Variants in ATAD3B observed in about 807,000 individuals in gnomAD.
The protein encoded by ATAD3B is ATPase family AAA domain-containing protein 3B.
ATAD3B carries 59 observed loss-of-function variants against 70.2 expected under a neutral mutation model. The ratio of observed to expected loss-of-function variants is 0.84; its 90% CI spans 0.68 to 1.04. ATAD3B has a LOEUF of 1.04. Ranked by LOEUF, ATAD3B falls within the 50% of genes least tolerant of loss-of-function variation. ATAD3B has a pLI of 0.00. For missense variants in ATAD3B, 961 were observed against 913.4 expected (o/e 1.05, Z -0.67); for synonymous variants, 423 against 388.6 (o/e 1.09, Z -1.04).
intron 8 of ATAD3B, 137 bp from the exon 9 acceptor site, chr1:1,485,645 G>T (rs944279225): frequency 1.4e-6 from 2 of 1,399,604 alleles, no homozygotes; most frequent in East Asian, 2.5e-5. Context: ...GCGGGGCAGG[G>T]TTCCAGCTCC....
chr1:1,499,370 G>A (rs893510951), downstream of ATAD3B, among the ~76,000 whole-genome samples: 1 of 148,074 alleles, frequency 6.8e-6, no homozygotes, highest in African/African-American at 2.5e-5. Context: ...CCAAGTAGCT[G>A]GGATTACAGG....
chr1:1,506,858 G>T, the ATAD3B span, among the ~76,000 whole-genome samples: 1 of 150,778 alleles, frequency 6.6e-6, no homozygotes, highest in Non-Finnish European at 1.5e-5. Flanking sequence ...CACAATCTCG[G>T]CTCACTGCAA....
intron 3 of ATAD3B, 130 bp from the exon 4 acceptor site, chr1:1,478,919 C>T (rs1354550567): frequency 1.7e-5 from 12 of 694,946 alleles, no homozygotes; most frequent in African/African-American, 5.0e-5. Flanking sequence ...CTGAGCCGGA[C>T]GGGAGGTCCC....
At position 1,492,297 on chromosome 1, in the gene ATAD3B, GCCAACATGATGAACC is replaced by G. The variant is rs1404839740; in HGVS notation, c.1614+1630_1614+1644del. Among the ~76,000 whole-genome samples the G allele has an allele frequency of 2.0e-5, 3 of 151,806 alleles. No homozygotes were observed. In the East Asian group the frequency reaches 5.8e-4, roughly 29 times the overall value. The stretch of plus-strand genomic sequence containing the variant: ...AGGTCAGGAGTTCAAGACCACCCTG[GCCAACATGATGAACC>G]CCACCTCTACAAAAAATACGAAAAT... On this transcript the variant is annotated intron_variant, in intron 15 of 15. Transcript: ENST00000673477.
At chr1:1,503,657 T>C in the ATAD3B span, 2 of 1,611,718 alleles carry the variant, frequency 1.2e-6, no homozygotes, top group Non-Finnish European at 1.7e-6. Context: ...CAGTCCAAGC[T>C]CAAAGTGAGT....
At chr1:1,477,450 ACATGGGCAG>A in intron 2 of ATAD3B, 100 bp downstream of exon 2, 1 of 1,569,944 alleles carries the variant, frequency 6.4e-7, no homozygotes, top group East Asian at 2.3e-5. Context: ...AGGGGCGTGT[ACATGGGCAG>A]CAGTGGGGCC....
chr1:1,478,171 A>C, intron 2 of ATAD3B: 1 of 257,478 alleles, frequency 3.9e-6, no homozygotes, highest in Non-Finnish European at 7.5e-6. Context: ...GAATTTTTGT[A>C]TTTTTAGTAG....
chr1:1,509,036 C>G, the ATAD3B span, among the ~76,000 whole-genome samples: 4 of 151,824 alleles, frequency 2.6e-5, no homozygotes, highest in Admixed American at 6.5e-5. Context: ...GGGCTGCCCC[C>G]GGTGTCCACA....
downstream of ATAD3B, among the ~76,000 whole-genome samples, chr1:1,498,272 C>G (rs966119995): frequency 6.6e-6 from 1 of 151,908 alleles, no homozygotes; most frequent in Non-Finnish European, 1.5e-5. Flanking sequence ...CATTGCACTC[C>G]AGCCTGGGCA....
chr1:1,501,234 C>T (rs376494068), downstream of ATAD3B, among the ~76,000 whole-genome samples: 9 of 150,350 alleles, frequency 6.0e-5, no homozygotes, highest in East Asian at 6.0e-4. Flanking sequence ...TACAGATACT[C>T]GCCACTACGC....
At chr1:1,492,593 G>A (rs555526860) in intron 15 of ATAD3B, among the ~76,000 whole-genome samples, 3 of 149,662 alleles carry the variant, frequency 2.0e-5, no homozygotes, top group South Asian at 4.3e-4. Context: ...TCAGGAGTTC[G>A]AGGCCAGCCT....
chr1:1,500,756 A>G (rs550475698), downstream of ATAD3B, among the ~76,000 whole-genome samples: 679 of 151,244 alleles, frequency 4.5e-3, 8 homozygotes, highest in African/African-American at 0.015. Context: ...GATCGAGACC[A>G]TCCTGGCTAA....
chr1:1,474,254 G>A (rs1414086634), intron 1 of ATAD3B, among the ~76,000 whole-genome samples: 1 of 146,552 alleles, frequency 6.8e-6, no homozygotes, highest in South Asian at 2.2e-4. Flanking sequence ...GCAGTGGCGT[G>A]ATCACGGCTC....
At position 1,495,782 on chromosome 1, in the gene ATAD3B, C is replaced by A; in HGVS notation, c.1912C>A (p.Arg638=). ...LSPRMSCGGG[R]PFCPPGHPLL ...CCCCAGGATGTCTTGTGGTGGCGGT[C>A]GGCCGTTCTGCCCCCCAGGGCACCC... is the stretch of plus-strand genomic sequence containing the variant. The change falls in exon 16 of 16, where the codon CGG becomes AGG. Residue 638 remains arginine, a synonymous_variant. Coordinates refer to ENST00000673477, the MANE Select transcript of ATAD3B (RefSeq NM_031921.6). 1 of 1,601,976 alleles carries A rather than the reference C, an allele frequency of 6.2e-7. No homozygotes were observed. The highest frequency in any genetic ancestry group is 2.0e-4 in the Middle Eastern group (1 of 4,884).
At chr1:1,477,380 C>A in intron 2 of ATAD3B, 30 bp downstream of exon 2, 1 of 1,611,518 alleles carries the variant, frequency 6.2e-7, no homozygotes, top group Non-Finnish European at 8.5e-7. Context: ...GCGAGGAGGC[C>A]GGGGCGCACA....
chr1:1,477,265 C>T lies in ATAD3B; in HGVS notation c.206-9C>T, dbSNP rs369416205. 35 of 1,611,936 alleles carry T rather than the reference C, an allele frequency of 2.2e-5. 2 individuals are homozygous for T. The highest frequency in any genetic ancestry group is 2.1e-4 in the South Asian group (19 of 90,924). ...CTACACCTGCTCTCCGTGCCACATG[C>T]GCCCGCAGGTTACGCCAAGGAGGCC... On this transcript the variant is annotated splice_polypyrimidine_tract_variant and intron_variant, in intron 1 of 15. Coordinates refer to ENST00000673477, the MANE Select transcript of ATAD3B (RefSeq NM_031921.6).
At chr1:1,503,995 G>A in the ATAD3B span, among the ~76,000 whole-genome samples, 1 of 151,898 alleles carries the variant, frequency 6.6e-6, no homozygotes, top group Non-Finnish European at 1.5e-5. Flanking sequence ...ATTATTTTAT[G>A]TATTTATTTT....
intron 9 of ATAD3B, 87 bp downstream of exon 9, chr1:1,485,925 G>A: frequency 6.2e-7 from 1 of 1,606,492 alleles, no homozygotes; most frequent in Non-Finnish European, 8.5e-7. Context: ...CGCTCGTGGT[G>A]GCGCCCAGGA....
chr1:1,486,249 G>A lies in ATAD3B; in HGVS notation c.1089+14G>A. 1 of 1,612,620 alleles carries A rather than the reference G, an allele frequency of 6.2e-7. No homozygotes were observed. The highest frequency in any genetic ancestry group is 1.7e-4 in the Middle Eastern group (1 of 5,986). ...CTGTTTGCCAAGGTGAGAGCGCCTG[G>A]CTGAACAGGTGGGCCAGGGGCCGCT... On this transcript the variant is annotated intron_variant, in intron 10 of 15. Transcript: ENST00000673477.
Sources: gnomAD v4.1 joint callset for allele counts (sites outside exome capture counted in the v4.1 genomes callset) on GRCh38, gnomAD v4.1.1 for gene constraint, MANE v1.5 for transcripts, NCBI Gene and HGNC (gene_info 2026-07-23, HGNC 2026-07-21) for gene names.